Variants in CRYL1 observed in about 807,000 individuals in gnomAD.
CRYL1 encodes the protein crystallin lambda 1.
Under a neutral mutation model 36.6 loss-of-function variants are expected in CRYL1, and 29 were observed. That is an observed-to-expected ratio of 0.79 (90% CI 0.59 to 1.08). The LOEUF is 1.08. Ranked by LOEUF, CRYL1 falls within the 50% of genes least tolerant of loss-of-function variation. The pLI, the probability that CRYL1 is intolerant of heterozygous loss-of-function variation, is 0.00. For synonymous variants in CRYL1, 152 were observed against 151.5 expected, an observed-to-expected ratio of 1.00 and a Z score of -0.02; for missense variants, 411 against 407.9, an observed-to-expected ratio of 1.01 and a Z score of -0.06.
At chr13:20,404,856 T>G (rs1462777844) in intron 6 of CRYL1, 115 bp from the exon 7 acceptor site, 5 of 724,156 alleles carry the variant, frequency 6.9e-6, no homozygotes, top group Non-Finnish European at 1.2e-5. Flanking sequence ...AGCTACACTC[T>G]TCCCTCCCTG....
At chr13:20,478,424 T>C (rs1424828279) in intron 3 of CRYL1, among the ~76,000 whole-genome samples, 2 of 152,168 alleles carry the variant, frequency 1.3e-5, no homozygotes, top group African/African-American at 2.4e-5. Context: ...TGCACTATAA[T>C]ATACCACATC....
chr13:20,439,870 G>T, intron 3 of CRYL1, 116 bp from the exon 4 acceptor site: 1 of 1,027,938 alleles, frequency 9.7e-7, no homozygotes, highest in Non-Finnish European at 1.4e-6. Context: ...TGAGGTTCAA[G>T]ACGTGTTATC....
chr13:20,506,948 C>A (rs916753577), intron 2 of CRYL1, among the ~76,000 whole-genome samples: 9 of 152,286 alleles, frequency 5.9e-5, no homozygotes, highest in Non-Finnish European at 1.3e-4. Context: ...TGGGAGATAA[C>A]TGAATCACAG....
chr13:20,455,156 C>CA lies in CRYL1; in HGVS notation c.277-15403dup, dbSNP rs986636913. Among the ~76,000 whole-genome samples the CA allele has an allele frequency of 7.9e-5, 12 of 151,700 alleles. 1 individual carries two copies. The highest frequency in any genetic ancestry group is 1.2e-4 in the African/African-American group (5 of 41,380). ...ACAGTAGCAATTAATAATGGAAAATCAAAAAAAATGTTAAATACCATTCAC... is the reference window on the plus strand; with the variant it reads ...ACAGTAGCAATTAATAATGGAAAATCAAAAAAAAATGTTAAATACCATTCAC... On this transcript the variant is annotated intron_variant, in intron 3 of 7. Transcript: ENST00000298248.
intron 5 of CRYL1, among the ~76,000 whole-genome samples, chr13:20,420,700 G>GTTTTTTTTTTTTTT (rs5802072): frequency 0.019 from 687 of 36,422 alleles, 144 homozygotes; most frequent in South Asian, 0.091. Context: ...TAAAATAGAG[G>GTTTTTTTTTTTTTT]TTGTGTGTGT....
intron 4 of CRYL1, among the ~76,000 whole-genome samples, chr13:20,432,869 T>A (rs1036799399): frequency 6.6e-6 from 1 of 152,004 alleles, no homozygotes; most frequent in Admixed American, 6.6e-5. Flanking sequence ...AATAAAAAAA[T>A]TAGCTAGGTG....
intron 3 of CRYL1, among the ~76,000 whole-genome samples, chr13:20,472,222 T>C (rs538921009): frequency 3.3e-4 from 50 of 152,238 alleles, no homozygotes; most frequent in African/African-American, 1.2e-3. Context: ...CATCCTCCTA[T>C]ATACTTTAAA....
chr13:20,426,995 A>G (rs2031947881), intron 5 of CRYL1: 1 of 985,648 alleles, frequency 1.0e-6, no homozygotes, highest in South Asian at 4.7e-5. Flanking sequence ...TCACACCAGC[A>G]GGCTGAGAAC....
chr13:20,493,632 C>T (rs1310878766), intron 2 of CRYL1, among the ~76,000 whole-genome samples: 4 of 152,066 alleles, frequency 2.6e-5, no homozygotes, highest in Non-Finnish European at 5.9e-5. Context: ...TGCACTCCAG[C>T]CTGGGCGACA....
At chr13:20,472,895 G>GGA (rs1256645216) in intron 3 of CRYL1, 2 of 152,440 alleles carry the variant, frequency 1.3e-5, no homozygotes, top group African/African-American at 4.8e-5. Context: ...GGAGGGCAGA[G>GGA]GAGAGAGGTC....
At chr13:20,451,656 G>A (rs2137418257) in intron 3 of CRYL1, among the ~76,000 whole-genome samples, 1 of 152,348 alleles carries the variant, frequency 6.6e-6, no homozygotes, top group South Asian at 2.1e-4. Context: ...AGGCTGCAGA[G>A]AAAAGGGAAT....
chr13:20,412,108 G>A (rs1186230450), intron 6 of CRYL1, among the ~76,000 whole-genome samples: 1 of 151,998 alleles, frequency 6.6e-6, no homozygotes, highest in Non-Finnish European at 1.5e-5. Flanking sequence ...CCACAGGCAG[G>A]CAACCACATC....
Position 20,404,250 on chromosome 13 carries a change from AAGG to A in CRYL1, c.847-11_847-9del, listed in dbSNP as rs755623935. The A allele has an allele frequency of 1.3e-6, 2 of 1,563,426 alleles. No homozygotes were observed. Among genetic ancestry groups the A allele is most frequent in the Non-Finnish European group, 1.8e-6 (2 of 1,135,184 alleles). ...GACCTTCATGCACATGTCCTGCAAG[AAGG>A]AGAAGGAAAAAAAAGGACAATAAAG... On this transcript the variant is annotated splice_polypyrimidine_tract_variant and intron_variant, in intron 7 of 7. Transcript: ENST00000298248.
chr13:20,448,149 G>T (rs2032495498), intron 3 of CRYL1, among the ~76,000 whole-genome samples: 1 of 152,196 alleles, frequency 6.6e-6, no homozygotes, highest in Non-Finnish European at 1.5e-5. Flanking sequence ...CAAAGTAACA[G>T]AGATGAAGAA....
At chr13:20,445,679 A>G (rs966626241) in intron 3 of CRYL1, among the ~76,000 whole-genome samples, 1 of 152,260 alleles carries the variant, frequency 6.6e-6, no homozygotes, top group Non-Finnish European at 1.5e-5. Flanking sequence ...GGGCATTCAC[A>G]TAATGGTGGT....
chr13:20,416,571 T>C (rs1404516858), intron 5 of CRYL1, among the ~76,000 whole-genome samples: 1 of 152,194 alleles, frequency 6.6e-6, no homozygotes, highest in Non-Finnish European at 1.5e-5. Flanking sequence ...CACCCTTGCT[T>C]TCCAGGCCAA....
Position 20,525,748 on chromosome 13 carries a change from C to G in CRYL1, c.41+6G>C, listed in dbSNP as rs747347388. On this transcript the variant is annotated splice_donor_region_variant and intron_variant, in intron 1 of 7. Coordinates refer to ENST00000298248, the MANE Select transcript of CRYL1 (RefSeq NM_015974.3). This position sits in a 1 kb window ranked among gnomAD's most constrained non-coding sequence, Gnocchi z 4.3. ...AGGGGCAGCAGCGCGGCTCGGAGCC[C>G]TTTACCTGCCAACGATCACCACGCA... 19 of 1,336,146 alleles carry G rather than the reference C, an allele frequency of 1.4e-5. No individual in the cohort carries two copies. Among genetic ancestry groups the G allele is most frequent in the Non-Finnish European group, 1.7e-5 (18 of 1,040,600 alleles). The allele number at this position is 1,336,146 out of a possible 1,614,324, so 82.8% of individuals were successfully genotyped here. A position where few individuals can be genotyped will look rare whatever the true frequency, so the allele number is the denominator to read the frequency against.
intron 5 of CRYL1, chr13:20,430,938 T>C (rs771482301): frequency 4.1e-5 from 40 of 985,294 alleles, no homozygotes; most frequent in Non-Finnish European, 4.7e-5. Flanking sequence ...ACTAAGAAAT[T>C]CAAACCGCCG....
intron 3 of CRYL1, among the ~76,000 whole-genome samples, chr13:20,453,297 T>A (rs2032609231): frequency 6.6e-6 from 1 of 152,130 alleles, no homozygotes; most frequent in Non-Finnish European, 1.5e-5. Context: ...GAAAAGAATA[T>A]CTAGGAAATC....
Sources: allele counts gnomAD v4.1 joint callset (sites outside exome capture counted in the v4.1 genomes callset), GRCh38; gene constraint gnomAD v4.1.1; non-coding constraint Gnocchi (gnomAD v3.1); transcripts MANE v1.5; gene names NCBI Gene and HGNC (gene_info 2026-07-23, HGNC 2026-07-21).